Variants in SENP7 observed in about 807,000 individuals in gnomAD.
The protein encoded by SENP7 is SUMO specific peptidase 7, also known as sentrin-specific protease 7.
In SENP7, 64 loss-of-function variants were observed where a neutral mutation model predicts 141.2. The ratio of observed to expected loss-of-function variants is 0.45; its 90% confidence interval spans 0.37 to 0.56. The LOEUF is 0.56. Ranked by LOEUF, SENP7 falls within the 20% of genes least tolerant of loss-of-function variation. SENP7 has a pLI of 0.00. For missense variants in SENP7, 1,025 were observed against 1,212.2 expected (o/e 0.85, Z 2.29); for synonymous variants, 382 against 426.4 (o/e 0.90, Z 1.28).
chr3:101,458,965 A>G lies in SENP7; in HGVS notation c.274T>C (p.Ser92Pro), dbSNP rs2063453511. Residue 92 changes from serine to proline, a missense_variant, in exon 4 of 24, where the codon TCA (serine) becomes CCA (proline). Ser to Pro is a moderately conservative substitution (Grantham distance 74). Transcript: ENST00000394095. ...ACACACATATCTTACCTTTCTGGTG[A>G]TGACTTGGAAGTAACAGGACACCCT... ...IRGCPVTSKS[S>P]PERQLKVMLT... is the part of the protein sequence containing the mutation. The G allele has an allele frequency of 6.3e-7, 1 of 1,599,476 alleles. No individual in the cohort carries two copies. The highest frequency in any genetic ancestry group is 8.6e-7 in the Non-Finnish European group (1 of 1,167,942).
intron 3 of SENP7, among the ~76,000 whole-genome samples, chr3:101,490,929 T>C (rs1192648249): frequency 6.6e-6 from 1 of 152,188 alleles, no homozygotes; most frequent in East Asian, 1.9e-4. Flanking sequence ...GGCTGACATA[T>C]GCCACTTCCA....
chr3:101,484,690 A>G (rs2064650975), intron 3 of SENP7, among the ~76,000 whole-genome samples: 1 of 152,158 alleles, frequency 6.6e-6, no homozygotes, highest in Non-Finnish European at 1.5e-5. Context: ...GAGCCAGGTG[A>G]AATACAGGGG....
chr3:101,379,581 T>G (rs1439802942), intron 6 of SENP7, among the ~76,000 whole-genome samples: 1 of 152,142 alleles, frequency 6.6e-6, no homozygotes, highest in Non-Finnish European at 1.5e-5. Context: ...CGAAAAGATG[T>G]TCAATATCAC....
At chr3:101,387,764 C>A (rs1413564339) in intron 6 of SENP7, among the ~76,000 whole-genome samples, 2 of 152,206 alleles carry the variant, frequency 1.3e-5, no homozygotes, top group African/African-American at 4.8e-5. Flanking sequence ...TCAACCTGCC[C>A]CATCTGTAAC....
At chr3:101,497,890 C>T (rs904636366) in intron 2 of SENP7, among the ~76,000 whole-genome samples, 1 of 152,206 alleles carries the variant, frequency 6.6e-6, no homozygotes, top group African/African-American at 2.4e-5. Context: ...ACAGCCTCAA[C>T]TCCCCTGGCT....
chr3:101,452,684 C>A (rs1166487758), intron 4 of SENP7, among the ~76,000 whole-genome samples: 1 of 152,164 alleles, frequency 6.6e-6, no homozygotes, highest in Non-Finnish European at 1.5e-5. Context: ...GAAACTGGAT[C>A]CCTTCCTTAC....
At chr3:101,365,634 CAAAAAAAAAAA>C (rs1010380283) in intron 9 of SENP7, among the ~76,000 whole-genome samples, 7 of 62,134 alleles carry the variant, frequency 1.1e-4, no homozygotes, top group African/African-American at 3.8e-4. Context: ...GACTCTGTCT[CAAAAAAAAAAA>C]AAAAAAAAAA....
chr3:101,340,172 T>TA lies in SENP7; in HGVS notation c.2279dup (p.Leu760PhefsTer5). On this transcript the variant is annotated frameshift_variant, in exon 16 of 24. Coordinates refer to ENST00000394095, the MANE Select transcript of SENP7 (RefSeq NM_020654.5). LOFTEE classifies it high-confidence loss of function. The stretch of plus-strand genomic sequence containing the variant: ...ACTCCAGATCTTCATTAGTTACTCC[T>TA]AATCCCCCCTTAGTAGGTGGTGGAG... 6.2e-7 allele frequency: 1 copy of TA among 1,602,052 alleles called. No homozygotes were observed. The highest frequency in any genetic ancestry group is 8.5e-7 in the Non-Finnish European group (1 of 1,175,586).
chr3:101,452,357 A>T (rs551826084), intron 4 of SENP7, among the ~76,000 whole-genome samples: 1 of 152,348 alleles, frequency 6.6e-6, no homozygotes, highest in South Asian at 2.1e-4. Context: ...AGAATTGGAA[A>T]AAACTACTTT....
intron 4 of SENP7, among the ~76,000 whole-genome samples, chr3:101,420,993 A>C (rs1018504242): frequency 3.3e-5 from 5 of 152,214 alleles, no homozygotes; most frequent in African/African-American, 1.2e-4. Context: ...GGCCAAATAG[A>C]TTTAAAAATA....
At chr3:101,466,203 G>GA (rs2063752668) in intron 3 of SENP7, among the ~76,000 whole-genome samples, 1 of 151,946 alleles carries the variant, frequency 6.6e-6, no homozygotes, top group African/African-American at 2.4e-5. Context: ...GAAAACATTT[G>GA]AAAAAAATAA....
Position 101,501,087 on chromosome 3 carries a change from A to T in SENP7, c.73T>A (p.Ser25Thr). The change falls in exon 2 of 24, where the codon TCT (serine) becomes ACT (threonine). Residue 25 changes from serine to threonine, a missense_variant. Ser to Thr is a moderately conservative substitution (Grantham distance 58). Transcript: ENST00000394095. ...ATGCATACCTCCGATAAATCAGAAG[A>T]TGACTTTTTCCTTTTTCCTTCTGTG... is the stretch of plus-strand genomic sequence containing the variant. ...IITEGKRKKS[S>T]SDLSEIRKML... 1.2e-6 allele frequency: 2 copies of T among 1,607,014 alleles called. No homozygotes were observed. The highest frequency in any genetic ancestry group is 1.7e-6 in the Non-Finnish European group (2 of 1,176,144).
chr3:101,425,269 G>A (rs2061924006), intron 4 of SENP7, among the ~76,000 whole-genome samples: 1 of 152,146 alleles, frequency 6.6e-6, no homozygotes, highest in Admixed American at 6.6e-5. Flanking sequence ...GGAGAGTAGT[G>A]ACCAGCAGTC....
chr3:101,434,720 G>A (rs958413280), intron 4 of SENP7, among the ~76,000 whole-genome samples: 6 of 152,014 alleles, frequency 3.9e-5, no homozygotes, highest in Admixed American at 6.6e-5. Flanking sequence ...ATTGAACCAC[G>A]AAGAAATCCA....
At chr3:101,363,660 G>A (rs1411601134) in intron 10 of SENP7, among the ~76,000 whole-genome samples, 2 of 152,016 alleles carry the variant, frequency 1.3e-5, no homozygotes, top group Admixed American at 1.3e-4. Flanking sequence ...GACCCCATCT[G>A]GTAAAAATGG....
At position 101,327,248 on chromosome 3, in the gene SENP7, C is replaced by T. The variant is rs552326917; in HGVS notation, c.3015+418G>A. ...CCAGTGATATAGTTTTGCTGTGCCC[C>T]GACCCAAATCTCATCTTGAATTGTA... On this transcript the variant is annotated intron_variant, in intron 23 of 23. Transcript: ENST00000394095. 3.9e-5 allele frequency among the ~76,000 whole-genome samples: 6 copies of T among 152,046 alleles called. 1 individual carries two copies. The highest frequency in any genetic ancestry group is 1.2e-4 in the African/African-American group (5 of 41,490).
chr3:101,503,273 A>T (rs59812872), intron 1 of SENP7, among the ~76,000 whole-genome samples: 60,380 of 152,060 alleles, frequency 0.4, 12,504 homozygotes, highest in Admixed American at 0.54. Context: ...TATTGGTGAG[A>T]GACTGGAACT....
intron 3 of SENP7, among the ~76,000 whole-genome samples, chr3:101,475,100 G>C (rs2064162408): frequency 1.3e-5 from 2 of 152,008 alleles, no homozygotes; most frequent in African/African-American, 4.8e-5. Flanking sequence ...AGACAAATAG[G>C]CATTAAGTTA....
chr3:101,360,853 A>G (rs1336624324), intron 11 of SENP7, among the ~76,000 whole-genome samples: 3 of 152,216 alleles, frequency 2.0e-5, no homozygotes, highest in East Asian at 1.9e-4. Flanking sequence ...AAGAGTCAGT[A>G]TATCAGAGAA....
Sources: allele counts gnomAD v4.1 joint callset (sites outside exome capture counted in the v4.1 genomes callset), GRCh38; gene constraint gnomAD v4.1.1; transcripts MANE v1.5; gene names NCBI Gene and HGNC (gene_info 2026-07-23, HGNC 2026-07-21).